The following SENP7 variants were observed in gnomAD, a reference collection of about 807,000 sequenced individuals.
The protein encoded by SENP7 is sentrin-specific protease 7.
Under a neutral mutation model 141.2 loss-of-function variants are expected in SENP7, and 64 were observed. The ratio of observed to expected loss-of-function variants is 0.45; its 90% CI spans 0.37 to 0.56. The LOEUF (loss-of-function observed/expected upper bound fraction) is 0.56, where lower values mean the gene tolerates loss of function less well. Ranked by LOEUF, SENP7 falls within the 20% of genes least tolerant of loss-of-function variation. The pLI, the probability that SENP7 is intolerant of heterozygous loss-of-function variation, is 0.00. For synonymous variants in SENP7, 382 were observed against 426.4 expected (o/e 0.90, Z 1.28); for missense variants, 1,025 against 1,212.2 (o/e 0.85, Z 2.29).
intron 3 of SENP7, among the ~76,000 whole-genome samples, chr3:101,474,722 AAG>A (rs1444602082): frequency 6.6e-6 from 1 of 152,132 alleles, no homozygotes; most frequent in Non-Finnish European, 1.5e-5. Context: ...TATGTTGAAT[AAG>A]AGTGATGACA....
chr3:101,330,374 C>A lies in SENP7; in HGVS notation c.2711G>T (p.Arg904Leu). 1.9e-6 allele frequency: 3 copies of A among 1,605,460 alleles called. No homozygotes were observed. Among genetic ancestry groups the A allele is most frequent in the Non-Finnish European group, 2.6e-6 (3 of 1,173,038 alleles). ...ACTCAAAGACAGTGTCGAAGTAGTA[C>A]GTAGATCATTATCTAGTTAGAAATA... ...NDNKTIDNDL[R>L]TTSTLSLSAE... is the part of the protein sequence containing the mutation. The change falls in exon 20 of 24, where the codon CGT becomes CTT. Residue 904 changes from arginine to leucine, a missense_variant. Transcript: ENST00000394095.
rs1430670503 is a variant in SENP7 at position 101,325,218 on chromosome 3, CA to C, written c.*724del. 1.3e-5 allele frequency: 2 copies of C among 151,158 alleles called. No individual in the cohort carries two copies. Among genetic ancestry groups the C allele is most frequent in the African/African-American group, 4.9e-5 (2 of 41,092 alleles). 9.4% of individuals were successfully genotyped at this position (151,158 alleles called of 1,614,324 possible). On this transcript the variant is annotated 3_prime_UTR_variant, in exon 24 of 24. Coordinates refer to ENST00000394095, the MANE Select transcript of SENP7 (RefSeq NM_020654.5). ...ATAATTTTTAAAAAACTATTTTGCA[CA>C]GGTAAAATTTTTTGTTTCAAATTTT...
In SENP7 at chr3:101,442,969, A is replaced by G. The variant is rs545341483; in HGVS notation, c.284+15986T>C. ...AAAGCGAAAGAAAACCTATTTAACA[A>G]AATAATAGCTTTGGTTGCCATTGCT... On this transcript the variant is annotated intron_variant, in intron 4 of 23. Transcript: ENST00000394095. Among the ~76,000 whole-genome samples, 5 of 152,326 alleles carry G rather than the reference A, an allele frequency of 3.3e-5. 1 individual carries two copies. The South Asian group carries it at 1.0e-3, about 32-fold the overall frequency.
intron 4 of SENP7, among the ~76,000 whole-genome samples, chr3:101,430,869 T>C (rs1004716883): frequency 1.3e-5 from 2 of 152,220 alleles, no homozygotes; most frequent in Non-Finnish European, 2.9e-5. Context: ...CCAGAGATTC[T>C]GGTATGTTGT....
chr3:101,490,453 G>A (rs973482989), intron 3 of SENP7, among the ~76,000 whole-genome samples: 3 of 152,074 alleles, frequency 2.0e-5, no homozygotes, highest in African/African-American at 7.2e-5. Flanking sequence ...CAGAAGAATG[G>A]TTGCCAGAAT....
intron 4 of SENP7, among the ~76,000 whole-genome samples, chr3:101,453,969 C>A (rs1457520498): frequency 6.6e-6 from 1 of 150,598 alleles, no homozygotes; most frequent in African/African-American, 2.4e-5. Flanking sequence ...CAATGAGATA[C>A]CACTTCACAC....
chr3:101,377,743 T>C (rs953760323), intron 6 of SENP7, among the ~76,000 whole-genome samples: 5 of 152,170 alleles, frequency 3.3e-5, no homozygotes, highest in African/African-American at 9.7e-5. Context: ...TAGCATTCTG[T>C]GTGAGGAAAA....
intron 5 of SENP7, among the ~76,000 whole-genome samples, chr3:101,406,474 T>G (rs913319354): frequency 2.0e-5 from 3 of 151,426 alleles, no homozygotes; most frequent in African/African-American, 7.3e-5. Flanking sequence ...AGGAGATATA[T>G]CTAATGTAAA....
At chr3:101,326,933 C>T (rs550119905) in intron 23 of SENP7, among the ~76,000 whole-genome samples, 12 of 151,894 alleles carry the variant, frequency 7.9e-5, no homozygotes, top group Non-Finnish European at 1.2e-4. Flanking sequence ...TTCACTAATC[C>T]TATCTTCTAC....
intron 4 of SENP7, among the ~76,000 whole-genome samples, chr3:101,423,832 C>T (rs2061862520): frequency 6.6e-6 from 1 of 152,150 alleles, no homozygotes; most frequent in South Asian, 2.1e-4. Flanking sequence ...GCAATCCACT[C>T]TCCCGAAGGG....
chr3:101,326,994 T>C (rs909811697), intron 23 of SENP7, among the ~76,000 whole-genome samples: 3 of 152,140 alleles, frequency 2.0e-5, no homozygotes, highest in Non-Finnish European at 2.9e-5. Context: ...ATTTCAGATA[T>C]GTCATTATAC....
chr3:101,383,401 G>T (rs151123371), intron 6 of SENP7, among the ~76,000 whole-genome samples: 2 of 152,190 alleles, frequency 1.3e-5, no homozygotes, highest in African/African-American at 4.8e-5. Context: ...GCTGGGAACA[G>T]GCAGAAGCCC....
intron 6 of SENP7, among the ~76,000 whole-genome samples, chr3:101,397,797 T>C (rs2061012667): frequency 6.6e-6 from 1 of 152,148 alleles, no homozygotes; most frequent in South Asian, 2.1e-4. Flanking sequence ...AATCAACTTT[T>C]CATCTATATA....
At chr3:101,438,131 CTGAGG>C (rs1163612248) in intron 4 of SENP7, among the ~76,000 whole-genome samples, 1 of 152,126 alleles carries the variant, frequency 6.6e-6, no homozygotes, top group African/African-American at 2.4e-5. Context: ...AAACAGTGAG[CTGAGG>C]TATTTGTACA....
intron 4 of SENP7, among the ~76,000 whole-genome samples, chr3:101,421,815 A>G (rs1275321588): frequency 6.6e-6 from 1 of 152,274 alleles, no homozygotes; most frequent in Non-Finnish European, 1.5e-5. Context: ...ATTTCTCTGT[A>G]TACCAGAAGA....
intron 3 of SENP7, among the ~76,000 whole-genome samples, chr3:101,482,154 C>CA (rs1161812380): frequency 1.1e-4 from 16 of 150,232 alleles, no homozygotes; most frequent in South Asian, 2.1e-4. Context: ...ACTAAAAATA[C>CA]AAAAAAAAAT....
chr3:101,334,125 G>A (rs777737586), intron 17 of SENP7, among the ~76,000 whole-genome samples: 1 of 152,148 alleles, frequency 6.6e-6, no homozygotes, highest in Non-Finnish European at 1.5e-5. Flanking sequence ...CTCCTGCTGA[G>A]TGGCCTGGCT....
chr3:101,339,419 T>C (rs2059272081), intron 16 of SENP7, among the ~76,000 whole-genome samples: 2 of 152,174 alleles, frequency 1.3e-5, no homozygotes, highest in Admixed American at 1.3e-4. Flanking sequence ...GCTCTGGCTA[T>C]ACAAAAAGTT....
chr3:101,411,217 AAATACACAAT>A (rs1157790242), intron 5 of SENP7, among the ~76,000 whole-genome samples: 2 of 152,236 alleles, frequency 1.3e-5, no homozygotes, highest in African/African-American at 4.8e-5. Flanking sequence ...GGCACATAGT[AAATACACAAT>A]AAATGGAATA....
Sources: allele counts gnomAD v4.1 joint callset (sites outside exome capture counted in the v4.1 genomes callset), GRCh38; gene constraint gnomAD v4.1.1; transcripts MANE v1.5; gene names NCBI Gene and HGNC (gene_info 2026-07-23, HGNC 2026-07-21).